TBC1D4: variants seen among roughly 807,000 people sequenced by gnomAD.
TBC1D4 encodes the protein TBC (Tre-2, BUB2, CDC16) domain-containing protein.
Under a neutral mutation model 142.5 loss-of-function variants are expected in TBC1D4, and 121 were observed. The observed-to-expected ratio is 0.85, with a 90% CI of 0.73 to 0.99. The LOEUF (loss-of-function observed/expected upper bound fraction) is 0.99. Among genes scored for constraint, TBC1D4 ranks in the 50% least tolerant of loss-of-function variants. The probability of loss-of-function intolerance (pLI) is 0.00; values close to 1 mark genes in which losing one functional copy is unlikely to be tolerated. For synonymous variants in TBC1D4, 630 were observed against 628.2 expected, an observed-to-expected ratio of 1.00 and a Z score of -0.04; for missense variants, 1,475 against 1,606.6, an observed-to-expected ratio of 0.92 and a Z score of 1.40.
intron 1 of TBC1D4, among the ~76,000 whole-genome samples, chr13:75,363,349 T>C (rs1234680708): frequency 6.6e-6 from 1 of 152,180 alleles, no homozygotes; most frequent in Non-Finnish European, 1.5e-5. Flanking sequence ...GGAAAATATC[T>C]TAGGCCCCCA....
intron 1 of TBC1D4, among the ~76,000 whole-genome samples, chr13:75,449,532 A>AACAC (rs34025489): frequency 3.2e-4 from 48 of 149,256 alleles, no homozygotes; most frequent in South Asian, 1.3e-3. Flanking sequence ...GTGAAACTGC[A>AACAC]ACACACACAC....
At chr13:75,379,983 G>T (rs1416004496) in intron 1 of TBC1D4, among the ~76,000 whole-genome samples, 1 of 135,424 alleles carries the variant, frequency 7.4e-6, no homozygotes, top group East Asian at 2.3e-4. Context: ...TTGGCTCACC[G>T]CAATCTCTGC....
intron 1 of TBC1D4, among the ~76,000 whole-genome samples, chr13:75,455,411 T>C (rs1419540823): frequency 6.6e-6 from 1 of 151,980 alleles, no homozygotes; most frequent in Non-Finnish European, 1.5e-5. Flanking sequence ...CTAATAAAAT[T>C]GGAGTTTAAA....
At chr13:75,379,983 G>A (rs1416004496) in intron 1 of TBC1D4, among the ~76,000 whole-genome samples, 8 of 135,424 alleles carry the variant, frequency 5.9e-5, no homozygotes, top group Non-Finnish European at 9.2e-5. Flanking sequence ...TTGGCTCACC[G>A]CAATCTCTGC....
Position 75,362,347 on chromosome 13 carries a change from A to G in TBC1D4, c.759T>C (p.Ala253=). Residue 253 remains alanine (A), a synonymous_variant, in exon 2 of 21, where the codon GCT becomes GCC. Transcript: ENST00000377636. The surrounding 1 kb of genome is among the most constrained non-coding windows in gnomAD (Gnocchi z 4.2). ...QRGPDPGEDL[A]DLEVVVPGSP... ...ACCCGGGCACCACCACCTCCAAGTCAGCCAGGTCCTCTCCTGGGTCCGGAC... is the reference window on the plus strand; with the variant it reads ...ACCCGGGCACCACCACCTCCAAGTCGGCCAGGTCCTCTCCTGGGTCCGGAC... 1 of 1,614,188 alleles carries G rather than the reference A, an allele frequency of 6.2e-7. No individual in the cohort carries two copies. The highest frequency in any genetic ancestry group is 8.5e-7 in the Non-Finnish European group (1 of 1,180,034).
At chr13:75,370,986 A>G (rs1883193791) in intron 1 of TBC1D4, among the ~76,000 whole-genome samples, 1 of 152,174 alleles carries the variant, frequency 6.6e-6, no homozygotes, top group Non-Finnish European at 1.5e-5. Context: ...TGAAAGAGGG[A>G]GAAATATGAA....
At chr13:75,317,555 T>C (rs1286558193) in intron 12 of TBC1D4, among the ~76,000 whole-genome samples, 1 of 152,234 alleles carries the variant, frequency 6.6e-6, no homozygotes, top group Non-Finnish European at 1.5e-5. Flanking sequence ...TTACATTTCT[T>C]AAATGATGAA....
At chr13:75,309,240 T>C (rs1183556157) in intron 14 of TBC1D4, among the ~76,000 whole-genome samples, 1 of 152,082 alleles carries the variant, frequency 6.6e-6, no homozygotes, top group African/African-American at 2.4e-5. Flanking sequence ...AGTACTGGAG[T>C]AAATTATATC....
chr13:75,426,283 C>A (rs999476019), intron 1 of TBC1D4, among the ~76,000 whole-genome samples: 12 of 152,074 alleles, frequency 7.9e-5, no homozygotes, highest in Admixed American at 3.3e-4. Flanking sequence ...AGAGAAGAGA[C>A]CACAAGTGTT....
At chr13:75,390,259 G>A (rs991113120) in intron 1 of TBC1D4, among the ~76,000 whole-genome samples, 4 of 129,246 alleles carry the variant, frequency 3.1e-5, no homozygotes, top group South Asian at 5.5e-4. Context: ...CAGCCTAGGC[G>A]ACAGAGAGAG....
intron 1 of TBC1D4, among the ~76,000 whole-genome samples, chr13:75,412,899 T>C (rs1400235296): frequency 6.6e-6 from 1 of 152,170 alleles, no homozygotes; most frequent in East Asian, 1.9e-4. Flanking sequence ...ATTTACCGAG[T>C]TAATTCCCTC....
In TBC1D4 at chr13:75,285,641, A is replaced by G. The variant is rs561608496; in HGVS notation, c.*1151T>C. 6.5e-6 allele frequency: 1 copy of G among 152,736 alleles called. No homozygotes were observed. Among genetic ancestry groups the G allele is most frequent in the East Asian group, 1.9e-4 (1 of 5,180 alleles). The allele number at this position is 152,736 out of a possible 1,614,324, so 9.5% of individuals were successfully genotyped here. On this transcript the variant is annotated 3_prime_UTR_variant, in exon 21 of 21. Coordinates refer to ENST00000377636, the MANE Select transcript of TBC1D4 (RefSeq NM_014832.5). ...GTACCACTTTCTTTTTTCCCTTCCA[A>G]TGGATTTCAACAGTTTGTTCCTAAA...
intron 12 of TBC1D4, among the ~76,000 whole-genome samples, chr13:75,314,424 C>T (rs562186818): frequency 2.6e-5 from 4 of 152,088 alleles, no homozygotes; most frequent in African/African-American, 9.7e-5. Context: ...ATCTGCCTAT[C>T]GTATCTTTAT....
In TBC1D4 at chr13:75,326,320, C is replaced by T. The variant is rs1052185750; in HGVS notation, c.1910G>A (p.Arg637Gln). 1.9e-6 allele frequency: 3 copies of T among 1,613,974 alleles called. No homozygotes were observed. The highest frequency in any genetic ancestry group is 1.3e-5 in the African/African-American group (1 of 74,880). ...GTGGCTGAACGTGTGTGCCCGTCTT[C>T]GAAACTGCGGGGAGTCGGAATCCTC... ...PEEDSDSPQF[R>Q]RRAHTFSHPP... The change falls in exon 10 of 21, where the codon CGA becomes CAA. Residue 637 changes from arginine (R) to glutamine (Q), a missense_variant. Coordinates refer to ENST00000377636, the MANE Select transcript of TBC1D4 (RefSeq NM_014832.5).
chr13:75,420,130 G>C (rs1886099725), intron 1 of TBC1D4, among the ~76,000 whole-genome samples: 1 of 152,176 alleles, frequency 6.6e-6, no homozygotes, highest in African/African-American at 2.4e-5. Flanking sequence ...GGAGAGCCTG[G>C]ATCCAGGAAA....
chr13:75,309,831 G>T, intron 14 of TBC1D4, 111 bp downstream of exon 14: 1 of 1,010,306 alleles, frequency 9.9e-7, no homozygotes, highest in Non-Finnish European at 1.5e-6. Flanking sequence ...CTTAAAGTGT[G>T]CATACAGTCC....
In TBC1D4 at chr13:75,288,924, A is replaced by G; in HGVS notation, c.3663+10T>C. The G allele has an allele frequency of 1.2e-6, 2 of 1,613,180 alleles. No individual in the cohort carries two copies. Among genetic ancestry groups the G allele is most frequent in the Non-Finnish European group, 1.7e-6 (2 of 1,179,592 alleles). ...GAAGTACTTATTTGCTCAAATCTTT[A>G]TTTCTTTACCTGTAATTTTTCTAGG... On this transcript the variant is annotated intron_variant, in intron 20 of 20. Coordinates refer to ENST00000377636, the MANE Select transcript of TBC1D4 (RefSeq NM_014832.5).
intron 1 of TBC1D4, among the ~76,000 whole-genome samples, chr13:75,476,802 T>C (rs1888647137): frequency 6.6e-6 from 1 of 152,230 alleles, no homozygotes; most frequent in Non-Finnish European, 1.5e-5. Context: ...GCCAGTAGTT[T>C]GAGCATCACC....
chr13:75,306,678 A>T (rs1034369534), intron 14 of TBC1D4, among the ~76,000 whole-genome samples: 1 of 152,030 alleles, frequency 6.6e-6, no homozygotes, highest in African/African-American at 2.4e-5. Context: ...ATGAGGAATA[A>T]CCTCCTAAGG....
Sources: gnomAD v4.1 joint callset for allele counts (sites outside exome capture counted in the v4.1 genomes callset) on GRCh38, gnomAD v4.1.1 for gene constraint, Gnocchi (gnomAD v3.1) non-coding constraint, MANE v1.5 for transcripts, NCBI Gene and HGNC (gene_info 2026-07-23, HGNC 2026-07-21) for gene names.